MACROD2: variants seen among roughly 807,000 people sequenced by gnomAD.
MACROD2 encodes the protein mono-ADP ribosylhydrolase 2.
A neutral mutation model predicts 70.4 loss-of-function variants in MACROD2; 36 were observed. The ratio of observed to expected loss-of-function variants is 0.51; its 90% CI spans 0.39 to 0.68. The LOEUF (loss-of-function observed/expected upper bound fraction) is 0.68, where lower values mean the gene tolerates loss of function less well. Among genes scored for constraint, MACROD2 ranks in the 30% least tolerant of loss-of-function variants. The pLI, the probability that MACROD2 is intolerant of heterozygous loss-of-function variation, is 0.00. For synonymous variants in MACROD2, 172 were observed against 178.8 expected, an observed-to-expected ratio of 0.96 and a Z score of 0.30; for missense variants, 496 against 538.4, an observed-to-expected ratio of 0.92 and a Z score of 0.78.
At chr20:15,093,782 C>T (rs1568569724) in intron 5 of MACROD2, among the ~76,000 whole-genome samples, 1 of 152,110 alleles carries the variant, frequency 6.6e-6, no homozygotes, top group African/African-American at 2.4e-5. Flanking sequence ...CACAGAACCC[C>T]TTTTGTGTGG....
chr20:14,369,005 G>C (rs993823594), intron 3 of MACROD2, among the ~76,000 whole-genome samples: 2 of 152,106 alleles, frequency 1.3e-5, no homozygotes, highest in Admixed American at 1.3e-4. Flanking sequence ...TTTTATTAGC[G>C]AGCATGGGCA....
intron 8 of MACROD2, among the ~76,000 whole-genome samples, chr20:15,781,585 G>T (rs2051833760): frequency 1.3e-5 from 2 of 152,122 alleles, no homozygotes; most frequent in African/African-American, 4.8e-5. Context: ...GTCCCCACAT[G>T]GTGGAAGGTG....
Position 15,697,422 on chromosome 20 carries a change from T to G in MACROD2, c.646-165323T>G, listed in dbSNP as rs370174690. Among the ~76,000 whole-genome samples, 56 of 152,300 alleles carry G rather than the reference T, an allele frequency of 3.7e-4. No individual in the cohort carries two copies. The East Asian group carries it at 5.0e-3, about 14-fold the overall frequency. The stretch of plus-strand genomic sequence containing the variant: ...TTCCACTGTGGTCTGAGAGAGTGCT[T>G]GCTATAATTTCAATTTTCTTAAATT... On this transcript the variant is annotated intron_variant, in intron 8 of 17. Transcript: ENST00000684519.
At chr20:15,393,601 T>C (rs2146297068) in intron 6 of MACROD2, among the ~76,000 whole-genome samples, 2 of 152,326 alleles carry the variant, frequency 1.3e-5, no homozygotes, top group East Asian at 3.9e-4. Context: ...TATCTCTGGA[T>C]TTTTCTTATT....
chr20:15,451,198 C>T (rs1412009266), intron 7 of MACROD2, among the ~76,000 whole-genome samples: 1 of 151,910 alleles, frequency 6.6e-6, no homozygotes, highest in Non-Finnish European at 1.5e-5. Context: ...TTCTGAACAT[C>T]TCAGTGGGAG....
At chr20:15,525,262 C>T (rs1337709190) in intron 8 of MACROD2, among the ~76,000 whole-genome samples, 2 of 151,992 alleles carry the variant, frequency 1.3e-5, no homozygotes, top group East Asian at 2.0e-4. Context: ...TGAATGCTTA[C>T]TCTCCACTAG....
rs146701416 is a variant in MACROD2, at chr20:14,345,271, GTTA to G, written c.272-148199_272-148197del. 7.2e-5 allele frequency among the ~76,000 whole-genome samples: 11 copies of G among 152,102 alleles called. No homozygotes were observed. In the East Asian group the frequency reaches 9.6e-4, roughly 13 times the overall value. ...ATTGTCACTCATTATTATTGTCATT[GTTA>G]TTATTATTTGTTCCTTACAAGCAAA... On this transcript the variant is annotated intron_variant, in intron 3 of 17. Transcript: ENST00000684519.
At chr20:14,313,016 A>G (rs1417062046) in intron 3 of MACROD2, among the ~76,000 whole-genome samples, 1 of 152,254 alleles carries the variant, frequency 6.6e-6, no homozygotes. Context: ...CATTGTCTAC[A>G]TTTAAAAATG....
chr20:15,195,162 A>ACATAGG (rs2076597176), intron 5 of MACROD2, among the ~76,000 whole-genome samples: 1 of 152,214 alleles, frequency 6.6e-6, no homozygotes, highest in African/African-American at 2.4e-5. Context: ...ACCATTCAGG[A>ACATAGG]CATAGGCATA....
At chr20:14,218,958 T>C (rs556472226) in intron 3 of MACROD2, among the ~76,000 whole-genome samples, 1 of 152,322 alleles carries the variant, frequency 6.6e-6, no homozygotes, top group Admixed American at 6.5e-5. Context: ...GTCTCATGGC[T>C]CTTAAGATTC....
At chr20:15,212,769 T>C (rs915424321) in intron 5 of MACROD2, among the ~76,000 whole-genome samples, 6 of 152,214 alleles carry the variant, frequency 3.9e-5, no homozygotes, top group Non-Finnish European at 8.8e-5. Context: ...AACTCTACAT[T>C]TGACATTTTG....
intron 13 of MACROD2, among the ~76,000 whole-genome samples, chr20:15,978,672 T>C (rs887075041): frequency 1.3e-5 from 2 of 151,946 alleles, no homozygotes; most frequent in African/African-American, 4.8e-5. Context: ...AGAATGAGGA[T>C]GAATGGGTTT....
intron 7 of MACROD2, among the ~76,000 whole-genome samples, chr20:15,479,696 A>C (rs1474272429): frequency 1.3e-5 from 2 of 152,208 alleles, no homozygotes; most frequent in Non-Finnish European, 2.9e-5. Flanking sequence ...TACCAAGTAC[A>C]TTAGCCTTCA....
chr20:15,027,799 G>A (rs879855995), intron 5 of MACROD2, among the ~76,000 whole-genome samples: 1 of 151,858 alleles, frequency 6.6e-6, no homozygotes, highest in Non-Finnish European at 1.5e-5. Flanking sequence ...AGTATAAATG[G>A]AGCCTGAATA....
At chr20:14,492,374 G>A (rs927415481) in intron 3 of MACROD2, among the ~76,000 whole-genome samples, 10 of 152,106 alleles carry the variant, frequency 6.6e-5, no homozygotes, top group Non-Finnish European at 1.3e-4. Flanking sequence ...TTGACATCTC[G>A]TAAATAGCAT....
intron 6 of MACROD2, among the ~76,000 whole-genome samples, chr20:15,236,519 G>T (rs1158385269): frequency 6.6e-6 from 1 of 152,206 alleles, no homozygotes; most frequent in Non-Finnish European, 1.5e-5. Context: ...CCCACTTGGT[G>T]CCAGGCACTG....
chr20:14,925,214 A>G (rs771714365), intron 5 of MACROD2, among the ~76,000 whole-genome samples: 16 of 152,060 alleles, frequency 1.1e-4, no homozygotes, highest in Non-Finnish European at 2.1e-4. Flanking sequence ...TCTGGTTAAG[A>G]TTATGCTCAT....
At chr20:14,168,456 C>T (rs143767956) in intron 3 of MACROD2, among the ~76,000 whole-genome samples, 1 of 152,208 alleles carries the variant, frequency 6.6e-6, no homozygotes, top group East Asian at 1.9e-4. Flanking sequence ...GCAGAAAACC[C>T]AGTTTTCATA....
At chr20:15,672,947 A>G (rs2050002157) in intron 8 of MACROD2, among the ~76,000 whole-genome samples, 1 of 152,132 alleles carries the variant, frequency 6.6e-6, no homozygotes, top group South Asian at 2.1e-4. Context: ...TATAAAGGTG[A>G]GTTCCCTGCA....
Sources: gnomAD v4.1 joint callset for allele counts (sites outside exome capture counted in the v4.1 genomes callset) on GRCh38, gnomAD v4.1.1 for gene constraint, MANE v1.5 for transcripts, NCBI Gene and HGNC (gene_info 2026-07-23, HGNC 2026-07-21) for gene names.